The following NBEA variants were observed in gnomAD, a reference collection of about 807,000 sequenced individuals.
NBEA encodes lysosomal-trafficking regulator 2.
In NBEA, 44 loss-of-function variants were observed where a neutral mutation model predicts 343.4. The ratio of observed to expected loss-of-function variants is 0.13; its 90% CI spans 0.10 to 0.16. The LOEUF (loss-of-function observed/expected upper bound fraction) is 0.16. Among genes scored for constraint, NBEA ranks in the 10% least tolerant of loss-of-function variants. The pLI is 1.00. For synonymous variants in NBEA, 1,175 were observed against 1,238.7 expected (o/e 0.95, Z 1.08); for missense variants, 2,555 against 3,631.3 (o/e 0.70, Z 7.62).
chr13:35,651,063 A>G (rs1164345429), intron 52 of NBEA, among the ~76,000 whole-genome samples: 1 of 152,206 alleles, frequency 6.6e-6, no homozygotes, highest in Non-Finnish European at 1.5e-5. Context: ...ATATGACTGT[A>G]TTATTCTCAG....
At chr13:35,371,699 A>G (rs886116409) in intron 38 of NBEA, among the ~76,000 whole-genome samples, 6 of 151,994 alleles carry the variant, frequency 3.9e-5, no homozygotes, top group Non-Finnish European at 2.9e-5. Flanking sequence ...CTATATCCTT[A>G]TGTTGATATC....
chr13:35,217,131 A>G (rs2074107564), intron 33 of NBEA, among the ~76,000 whole-genome samples: 1 of 151,976 alleles, frequency 6.6e-6, no homozygotes, highest in Non-Finnish European at 1.5e-5. Context: ...ATGGATAAAT[A>G]TGCAGAACAT....
At chr13:35,623,061 G>A (rs907159500) in intron 48 of NBEA, among the ~76,000 whole-genome samples, 59 of 152,052 alleles carry the variant, frequency 3.9e-4, no homozygotes, top group Non-Finnish European at 1.0e-4. Flanking sequence ...TAGAGCTCTG[G>A]ATTGGGAATT....
chr13:35,659,769 G>A (rs567193391), intron 55 of NBEA, among the ~76,000 whole-genome samples: 1 of 152,264 alleles, frequency 6.6e-6, no homozygotes, highest in East Asian at 1.9e-4. Context: ...TCGCGGCTTT[G>A]AACGTATAAA....
intron 10 of NBEA, among the ~76,000 whole-genome samples, chr13:35,096,534 A>G (rs1266042662): frequency 6.6e-6 from 1 of 151,866 alleles, no homozygotes. Flanking sequence ...AGGGCGATTT[A>G]CTGTAAGAAA....
At chr13:35,577,623 C>CA (rs570886745) in intron 45 of NBEA, among the ~76,000 whole-genome samples, 16,086 of 151,706 alleles carry the variant, frequency 0.11, 1,034 homozygotes, top group African/African-American at 0.18. Flanking sequence ...AAATTTTTTT[C>CA]TAAAATTTCC....
intron 41 of NBEA, among the ~76,000 whole-genome samples, chr13:35,521,252 TC>T (rs1319491529): frequency 6.6e-6 from 1 of 152,128 alleles, no homozygotes. Flanking sequence ...TGGTTATTGT[TC>T]CCCTGATGTA....
chr13:35,514,403 T>C (rs2077402491), intron 41 of NBEA, among the ~76,000 whole-genome samples: 1 of 152,144 alleles, frequency 6.6e-6, no homozygotes, highest in Admixed American at 6.5e-5. Context: ...ATTAGTCAAA[T>C]TACTGCACGC....
chr13:35,041,731 C>CT (rs1276485889), intron 2 of NBEA, among the ~76,000 whole-genome samples: 1 of 151,824 alleles, frequency 6.6e-6, no homozygotes, highest in African/African-American at 2.4e-5. Flanking sequence ...TAATGTTTTG[C>CT]TTGTTTGGGT....
At chr13:35,219,798 A>G (rs1444125423) in intron 33 of NBEA, among the ~76,000 whole-genome samples, 1 of 152,148 alleles carries the variant, frequency 6.6e-6, no homozygotes, top group Non-Finnish European at 1.5e-5. Flanking sequence ...CAGTACTCCT[A>G]GCTCAAACAT....
At chr13:35,381,526 A>C (rs2042012963) in intron 38 of NBEA, among the ~76,000 whole-genome samples, 1 of 152,148 alleles carries the variant, frequency 6.6e-6, no homozygotes, top group South Asian at 2.1e-4. Context: ...CCCGAGTAGC[A>C]TGGGATGAAA....
At chr13:35,562,219 G>A (rs779734373) in intron 44 of NBEA, among the ~76,000 whole-genome samples, 1 of 151,814 alleles carries the variant, frequency 6.6e-6, no homozygotes, top group Non-Finnish European at 1.5e-5. Flanking sequence ...TTTTTTCAAA[G>A]AACATTAAAT....
chr13:35,013,179 T>G (rs1294953662), intron 1 of NBEA, among the ~76,000 whole-genome samples: 1 of 152,198 alleles, frequency 6.6e-6, no homozygotes, highest in Non-Finnish European at 1.5e-5. Flanking sequence ...ACTATTTAGG[T>G]GCTTCTCATA....
At chr13:35,455,141 C>T (rs1157787396) in intron 40 of NBEA, among the ~76,000 whole-genome samples, 3 of 151,716 alleles carry the variant, frequency 2.0e-5, no homozygotes, top group African/African-American at 7.2e-5. Flanking sequence ...AAGAATACAT[C>T]ATTTTTATAA....
chr13:35,660,905 A>T (rs1253987537), intron 55 of NBEA, among the ~76,000 whole-genome samples: 2 of 152,194 alleles, frequency 1.3e-5, no homozygotes, highest in African/African-American at 4.8e-5. Flanking sequence ...GTGTAGCTCC[A>T]TATGCAATAG....
intron 36 of NBEA, among the ~76,000 whole-genome samples, chr13:35,330,873 G>A (rs567495528): frequency 4.3e-4 from 65 of 152,048 alleles, no homozygotes; most frequent in African/African-American, 1.2e-3. Flanking sequence ...TCTCAAAATA[G>A]CCTGCTACAT....
At chr13:35,099,861 T>C (rs1314467327) in intron 11 of NBEA, among the ~76,000 whole-genome samples, 2 of 152,302 alleles carry the variant, frequency 1.3e-5, no homozygotes, top group East Asian at 3.9e-4. Flanking sequence ...TTATGTGATT[T>C]CCTTTGAAAA....
chr13:35,325,544 C>T (rs2038491234), intron 36 of NBEA, among the ~76,000 whole-genome samples: 2 of 151,840 alleles, frequency 1.3e-5, no homozygotes, highest in Non-Finnish European at 2.9e-5. Context: ...CAGAAAAAGA[C>T]ATAACAAGAA....
intron 39 of NBEA, among the ~76,000 whole-genome samples, chr13:35,433,339 C>T (rs545506575): frequency 6.6e-6 from 1 of 151,930 alleles, no homozygotes; most frequent in Non-Finnish European, 1.5e-5. Flanking sequence ...GTTTGTTATC[C>T]ACTTTTGTTC....
Sources: gnomAD v4.1 joint callset for allele counts (sites outside exome capture counted in the v4.1 genomes callset) on GRCh38, gnomAD v4.1.1 for gene constraint, MANE v1.5 for transcripts, NCBI Gene and HGNC (gene_info 2026-07-23, HGNC 2026-07-21) for gene names.